RCC2: variants seen among roughly 807,000 people sequenced by gnomAD.
The protein encoded by RCC2 is regulator of chromosome condensation 2, also known as protein RCC2.
Under a neutral mutation model 64.1 loss-of-function variants are expected in RCC2, and 19 were observed. The ratio of observed to expected loss-of-function variants is 0.30; its 90% CI spans 0.21 to 0.44. The LOEUF (loss-of-function observed/expected upper bound fraction) is 0.44, where lower values mean the gene tolerates loss of function less well. Ranked by LOEUF, RCC2 falls within the 20% of genes least tolerant of loss-of-function variation. RCC2 has a pLI of 1.00. For synonymous variants in RCC2, 325 were observed against 279.6 expected, an observed-to-expected ratio of 1.16 and a Z score of -1.62; for missense variants, 508 against 710.4, an observed-to-expected ratio of 0.72 and a Z score of 3.24.
chr1:17,423,153 G>A (rs1220770073), intron 4 of RCC2, among the ~76,000 whole-genome samples: 3 of 152,152 alleles, frequency 2.0e-5, no homozygotes, highest in Non-Finnish European at 2.9e-5. Flanking sequence ...GGGCATGCTC[G>A]CAGAAACACG....
Position 17,438,282 on chromosome 1 carries a change from G to A in RCC2, c.233C>T (p.Ala78Val). The A allele has an allele frequency of 3.1e-6, 4 of 1,298,890 alleles. No individual in the cohort carries two copies. Among genetic ancestry groups the A allele is most frequent in the East Asian group, 4.1e-5 (1 of 24,624 alleles). 80.5% of individuals were successfully genotyped at this position (1,298,890 alleles called of 1,614,324 possible). The change falls in exon 2 of 13, where the codon GCG becomes GTG. Residue 78 changes from alanine to valine, a missense_variant. Physicochemically the swap from Ala to Val is moderately conservative, Grantham distance 64. Transcript: ENST00000375436. Reference sequence around the variant, plus strand: ...GGTGATGACCACGGCCGCGCCGCCCGCCTTGCCTGCTGTCGCCGGCCGCGC... The same window carrying A: ...GGTGATGACCACGGCCGCGCCGCCCACCTTGCCTGCTGTCGCCGGCCGCGC... Reference protein sequence around the residue: ...RAARPATAGKAGGAAVVITEP... With the variant: ...RAARPATAGKVGGAAVVITEP...
At chr1:17,413,460 C>CGTG (rs371008329) in intron 9 of RCC2, 77 bp downstream of exon 9, 2 of 1,416,708 alleles carry the variant, frequency 1.4e-6, no homozygotes, top group African/African-American at 2.9e-5. Context: ...AATTGGGGTT[C>CGTG]GTGGTCTAGG....
intron 2 of RCC2, among the ~76,000 whole-genome samples, chr1:17,438,000 C>T (rs1412694423): frequency 6.8e-6 from 1 of 146,286 alleles, no homozygotes; most frequent in Non-Finnish European, 1.5e-5. Flanking sequence ...CAACCGCCAA[C>T]CGCCCGCGCG....
At chr1:17,412,048 T>G in intron 11 of RCC2, 74 bp downstream of exon 11, 2 of 1,309,052 alleles carry the variant, frequency 1.5e-6, no homozygotes, top group Non-Finnish European at 1.1e-6. Context: ...GGGAGACAGG[T>G]GGAGAGAACC....
chr1:17,438,444 C>T lies in RCC2; in HGVS notation c.71G>A (p.Gly24Glu), dbSNP rs765059019. Residue 24 changes from glycine to glutamate, a missense_variant, in exon 2 of 13, where the codon GGG becomes GAG. Transcript: ENST00000375436. ...CGCCGGGCCGCCGCGTTTCCTGGGC[C>T]CGGCGCGGGCAGTGCCGTTGCCCGA... is the stretch of plus-strand genomic sequence containing the variant. ...PSSGNGTARA[G>E]PRKRGGPAGR... 1.0e-5 allele frequency: 13 copies of T among 1,293,588 alleles called. No homozygotes were observed. The highest frequency in any genetic ancestry group is 4.9e-5 in the South Asian group (2 of 40,424). 80.1% of individuals were successfully genotyped at this position (1,293,588 alleles called of 1,614,324 possible).
chr1:17,428,334 C>T (rs576394197), intron 3 of RCC2, among the ~76,000 whole-genome samples: 5 of 152,260 alleles, frequency 3.3e-5, no homozygotes, highest in Non-Finnish European at 5.9e-5. Flanking sequence ...TTCCAAACAA[C>T]GCGCTGCTGC....
chr1:17,416,443 G>C, intron 8 of RCC2, 37 bp downstream of exon 8: 1 of 1,581,856 alleles, frequency 6.3e-7, no homozygotes, highest in Non-Finnish European at 8.6e-7. Context: ...TTCCATCCTG[G>C]TGCGACTCTC....
chr1:17,435,218 A>C lies in RCC2; in HGVS notation c.285+3012T>G, dbSNP rs1342470336. On this transcript the variant is annotated intron_variant, in intron 2 of 12. Transcript: ENST00000375436. Reference sequence around the variant, plus strand: ...TAGGCAATGACAACGCTCATCTGCCATAAGAATGTTCTATAAAATGCACAT... The same window carrying C: ...TAGGCAATGACAACGCTCATCTGCCCTAAGAATGTTCTATAAAATGCACAT... Among the ~76,000 whole-genome samples, 2 of 152,266 alleles carry C rather than the reference A, an allele frequency of 1.3e-5. 1 individual carries two copies. The highest frequency in any genetic ancestry group is 4.1e-4 in the South Asian group (2 of 4,836).
At position 17,430,735 on chromosome 1, in the gene RCC2, C is replaced by T. The variant is rs530895638; in HGVS notation, c.286-1536G>A. ...CCCGGGAGGCGGAGGTTGCAGTAAG[C>T]TGAGATTGCACCATTGCACTCCCAG... On this transcript the variant is annotated intron_variant, in intron 2 of 12. Transcript: ENST00000375436. Among the ~76,000 whole-genome samples the T allele has an allele frequency of 7.8e-4, 118 of 151,712 alleles. 1 individual carries two copies. The highest frequency in any genetic ancestry group is 2.7e-3 in the African/African-American group (114 of 41,492).
intron 2 of RCC2, among the ~76,000 whole-genome samples, chr1:17,431,246 T>C (rs1357027124): frequency 1.1e-4 from 16 of 141,770 alleles, no homozygotes; most frequent in African/African-American, 4.0e-4. Context: ...AGGCAGGAGA[T>C]TGGTGTGAAC....
At chr1:17,421,449 C>T (rs1184570681) in intron 6 of RCC2, among the ~76,000 whole-genome samples, 2 of 150,268 alleles carry the variant, frequency 1.3e-5, no homozygotes, top group Non-Finnish European at 3.0e-5. Flanking sequence ...GAGCTGAGAT[C>T]GCGCCACTGC....
intron 6 of RCC2, among the ~76,000 whole-genome samples, chr1:17,421,081 A>C (rs1461107048): frequency 6.6e-6 from 1 of 152,158 alleles, no homozygotes; most frequent in East Asian, 1.9e-4. Context: ...AAGATCAATA[A>C]AACCAAGTCC....
chr1:17,429,372 G>A (rs1211180870), intron 2 of RCC2, among the ~76,000 whole-genome samples, 173 bp from the exon 3 acceptor site: 1 of 152,138 alleles, frequency 6.6e-6, no homozygotes, highest in Non-Finnish European at 1.5e-5. Flanking sequence ...TCGGCAAGTG[G>A]CAATGCGGGC....
At chr1:17,436,983 C>T (rs1484811293) in intron 2 of RCC2, among the ~76,000 whole-genome samples, 1 of 152,184 alleles carries the variant, frequency 6.6e-6, no homozygotes, top group Non-Finnish European at 1.5e-5. Context: ...TTGACGGGCT[C>T]TCCTCCACTG....
At chr1:17,437,742 C>G (rs913690139) in intron 2 of RCC2, among the ~76,000 whole-genome samples, 2 of 694 alleles carry the variant, frequency 2.9e-3, no homozygotes, top group African/African-American at 5.2e-3. Context: ...AACCTCAAAG[C>G]CCCGGCGCAA....
rs1363621124 is a variant in RCC2 at position 17,422,269 on chromosome 1, A to G, written c.678T>C (p.Phe226=). 11 of 1,611,502 alleles carry G rather than the reference A, an allele frequency of 6.8e-6. No homozygotes were observed. The highest frequency in any genetic ancestry group is 9.3e-6 in the Non-Finnish European group (11 of 1,179,654). Residue 226 remains phenylalanine, a synonymous_variant, in exon 6 of 13, where the codon TTT becomes TTC. Coordinates refer to ENST00000375436, the MANE Select transcript of RCC2 (RefSeq NM_018715.4). Reference sequence around the variant, plus strand: ...CCAGCTGCCCCATCTTGTTTTCCCCAAACGCAAACACGGAGCCCGTTTCTG... The same window carrying G: ...CCAGCTGCCCCATCTTGTTTTCCCCGAACGCAAACACGGAGCCCGTTTCTG... ...ALTETGSVFA[F]GENKMGQLGL...
At chr1:17,425,349 G>T (rs756077010) in intron 4 of RCC2, among the ~76,000 whole-genome samples, 192 bp downstream of exon 4, 10 of 152,162 alleles carry the variant, frequency 6.6e-5, no homozygotes, top group Admixed American at 6.5e-4. Context: ...AAAATGTCAG[G>T]GGGGAAGGGG....
intron 11 of RCC2, 100 bp from the exon 12 acceptor site, chr1:17,410,151 C>T: frequency 3.8e-6 from 4 of 1,042,958 alleles, no homozygotes; most frequent in African/African-American, 1.6e-5. Context: ...TAACCAGAAG[C>T]CAGTGATGAT....
At chr1:17,437,755 G>C (rs2075753249) in intron 2 of RCC2, among the ~76,000 whole-genome samples, 1 of 2,956 alleles carries the variant, frequency 3.4e-4, no homozygotes. Context: ...CGGCGCAAAC[G>C]GCCGCTCCCC....
Sources: allele counts gnomAD v4.1 joint callset (sites outside exome capture counted in the v4.1 genomes callset), GRCh38; gene constraint gnomAD v4.1.1; transcripts MANE v1.5; gene names NCBI Gene and HGNC (gene_info 2026-07-23, HGNC 2026-07-21).